FUT8: variants seen among roughly 807,000 people sequenced by gnomAD.
FUT8 encodes the protein fucosyltransferase 8, also known as alpha-(1,6)-fucosyltransferase.
FUT8 carries 29 observed loss-of-function variants against 71.3 expected under a neutral mutation model. That is an observed-to-expected ratio of 0.41 (90% CI 0.30 to 0.55). FUT8 has a LOEUF of 0.55. Among genes scored for constraint, FUT8 ranks in the 20% least tolerant of loss-of-function variants. The pLI is 0.34. For synonymous variants in FUT8, 254 were observed against 239.3 expected (o/e 1.06, Z -0.57); for missense variants, 544 against 702.1 (o/e 0.77, Z 2.55).
rs1439385038 is a variant in FUT8 at position 65,692,204 on chromosome 14, G to A, written c.835+22724G>A. Reference sequence around the variant, plus strand: ...CGGGCAGAGGTTCCCCTCACCTCCCGGACGGGGCGGCTGGCCAGGCGGGGG... The same window carrying A: ...CGGGCAGAGGTTCCCCTCACCTCCCAGACGGGGCGGCTGGCCAGGCGGGGG... On this transcript the variant is annotated intron_variant, in intron 7 of 10. Transcript: ENST00000673929. Among the ~76,000 whole-genome samples the A allele has an allele frequency of 1.9e-3, 290 of 149,796 alleles. 2 individuals carry two copies. The highest frequency in any genetic ancestry group is 6.3e-3 in the African/African-American group (255 of 40,612).
the FUT8 span, among the ~76,000 whole-genome samples, chr14:65,401,922 T>TTGAG: frequency 3.0e-4 from 42 of 141,894 alleles, no homozygotes; most frequent in Non-Finnish European, 6.1e-4. Flanking sequence ...AAAAAAGGGA[T>TTGAG]TGAGTTGGTA....
At chr14:65,437,537 G>T (rs1160263128) in intron 1 of FUT8, among the ~76,000 whole-genome samples, 1 of 152,098 alleles carries the variant, frequency 6.6e-6, no homozygotes, top group Non-Finnish European at 1.5e-5. Flanking sequence ...GAAAGACTTT[G>T]AAATACGTCA....
rs915535660 is a variant in FUT8 at position 65,638,932 on chromosome 14, A to G, written c.597+9326A>G. 9.8e-5 allele frequency among the ~76,000 whole-genome samples: 15 copies of G among 152,328 alleles called. No individual in the cohort carries two copies. Among genetic ancestry groups the G allele is most frequent in the Non-Finnish European group, 1.0e-4 (7 of 68,014 alleles). On this transcript the variant is annotated intron_variant, in intron 6 of 10. Coordinates refer to ENST00000673929, the MANE Select transcript of FUT8 (RefSeq NM_001371533.1). The surrounding 1 kb of genome is among the most constrained non-coding windows in gnomAD (Gnocchi z 4.5). Reference sequence around the variant, plus strand: ...AAGTTGTCAGCCTAACTACATTAAAATATTTGCTAAATATTTAATACAACT... The same window carrying G: ...AAGTTGTCAGCCTAACTACATTAAAGTATTTGCTAAATATTTAATACAACT...
At chr14:65,733,593 A>G (rs918414510) in intron 10 of FUT8, among the ~76,000 whole-genome samples, 2 of 152,224 alleles carry the variant, frequency 1.3e-5, no homozygotes, top group African/African-American at 4.8e-5. Context: ...GTTTGCAAGT[A>G]ATGGTTGACT....
At chr14:65,561,299 C>A in intron 2 of FUT8, 38 bp from the exon 3 acceptor site, 1 of 395,452 alleles carries the variant, frequency 2.5e-6, no homozygotes, top group Non-Finnish European at 4.6e-6. Flanking sequence ...TTTTATATAC[C>A]TTAAATAATT....
At chr14:65,511,574 T>C in intron 2 of FUT8, among the ~76,000 whole-genome samples, 1 of 152,180 alleles carries the variant, frequency 6.6e-6, no homozygotes, top group Non-Finnish European at 1.5e-5. Flanking sequence ...GGTGCTCCAC[T>C]GTTGGGTGCA....
chr14:65,453,757 A>G (rs553484416), intron 1 of FUT8, among the ~76,000 whole-genome samples: 52 of 152,280 alleles, frequency 3.4e-4, no homozygotes, highest in Admixed American at 3.2e-3. Context: ...CACCCTAAGC[A>G]TGTGTAGATT....
the FUT8 span, among the ~76,000 whole-genome samples, chr14:65,390,613 C>A: frequency 6.6e-6 from 1 of 151,896 alleles, no homozygotes; most frequent in Non-Finnish European, 1.5e-5. Flanking sequence ...GAGGAAATTT[C>A]CACATCTCTA....
At chr14:65,668,910 TA>T (rs1892344375) in intron 6 of FUT8, among the ~76,000 whole-genome samples, 1 of 152,140 alleles carries the variant, frequency 6.6e-6, no homozygotes, top group Non-Finnish European at 1.5e-5. Context: ...GCCATTACCC[TA>T]AGCAAACTAA....
At chr14:65,540,751 T>G (rs1884631407) in intron 2 of FUT8, among the ~76,000 whole-genome samples, 1 of 152,194 alleles carries the variant, frequency 6.6e-6, no homozygotes, top group South Asian at 2.1e-4. Context: ...CACAGGAGCA[T>G]GTGTTGTGTA....
chr14:65,497,584 G>A (rs1007706812), intron 2 of FUT8, among the ~76,000 whole-genome samples: 1 of 151,742 alleles, frequency 6.6e-6, no homozygotes, highest in African/African-American at 2.4e-5. Flanking sequence ...CATTTTATTG[G>A]TAATGGAGGT....
At chr14:65,553,107 C>T (rs1474434680) in intron 2 of FUT8, among the ~76,000 whole-genome samples, 1 of 152,150 alleles carries the variant, frequency 6.6e-6, no homozygotes, top group Non-Finnish European at 1.5e-5. Context: ...AGGCGTGCAC[C>T]ACCAGTTTTA....
intron 2 of FUT8, among the ~76,000 whole-genome samples, chr14:65,549,257 C>A (rs1885149269): frequency 6.6e-6 from 1 of 152,066 alleles, no homozygotes; most frequent in South Asian, 2.1e-4. Flanking sequence ...TTCACATTCA[C>A]AGAAACCTTT....
At chr14:65,675,572 T>C (rs1341562354) in intron 7 of FUT8, among the ~76,000 whole-genome samples, 6 of 152,130 alleles carry the variant, frequency 3.9e-5, no homozygotes, top group Non-Finnish European at 8.8e-5. Flanking sequence ...TTCTATGAGT[T>C]TTTTAGCTGT....
intron 3 of FUT8, among the ~76,000 whole-genome samples, chr14:65,595,487 C>T (rs1412395532): frequency 2.0e-5 from 3 of 151,466 alleles, no homozygotes; most frequent in Non-Finnish European, 4.4e-5. Flanking sequence ...TGGATTAGAA[C>T]TAAAACCACT....
At chr14:65,618,045 A>G (rs992586474) in intron 5 of FUT8, among the ~76,000 whole-genome samples, 6 of 122,588 alleles carry the variant, frequency 4.9e-5, no homozygotes, top group African/African-American at 1.8e-4. Flanking sequence ...ATATATATAT[A>G]TATATATATG....
chr14:65,689,099 G>A (rs180876394), intron 7 of FUT8, among the ~76,000 whole-genome samples: 117 of 152,316 alleles, frequency 7.7e-4, no homozygotes, highest in African/African-American at 2.6e-3. Context: ...CCATAACAGT[G>A]ATTATACCAT....
intron 2 of FUT8, among the ~76,000 whole-genome samples, chr14:65,534,668 C>T (rs1351258742): frequency 1.3e-5 from 2 of 148,584 alleles, no homozygotes; most frequent in Non-Finnish European, 3.0e-5. Flanking sequence ...TGTATGTGTT[C>T]AGGAATTTAT....
chr14:65,699,116 T>C (rs980573371), intron 7 of FUT8, among the ~76,000 whole-genome samples: 2 of 150,256 alleles, frequency 1.3e-5, no homozygotes, highest in Non-Finnish European at 3.0e-5. Flanking sequence ...CGCTGTCTTG[T>C]GTATGTCATG....
Sources: allele counts gnomAD v4.1 joint callset (sites outside exome capture counted in the v4.1 genomes callset), GRCh38; gene constraint gnomAD v4.1.1; non-coding constraint Gnocchi (gnomAD v3.1); transcripts MANE v1.5; gene names NCBI Gene and HGNC (gene_info 2026-07-23, HGNC 2026-07-21).